The following ADAMTS12 variants were observed in gnomAD, a reference collection of about 807,000 sequenced individuals.
ADAMTS12 encodes A disintegrin and metalloproteinase with thrombospondin motifs 12.
ADAMTS12 carries 118 observed loss-of-function variants against 167.8 expected under a neutral mutation model. The observed-to-expected ratio is 0.70, with a 90% CI of 0.61 to 0.82. The LOEUF is 0.82. ADAMTS12 is among the 40% of genes least tolerant of loss of function. The probability of loss-of-function intolerance (pLI) is 0.00; values close to 1 mark genes in which losing one functional copy is unlikely to be tolerated. For synonymous variants in ADAMTS12, 704 were observed against 716.9 expected, an observed-to-expected ratio of 0.98 and a Z score of 0.29; for missense variants, 1,916 against 1,998.8, an observed-to-expected ratio of 0.96 and a Z score of 0.79.
At chr5:33,595,317 T>C (rs115218252) in intron 17 of ADAMTS12, among the ~76,000 whole-genome samples, 41 of 152,290 alleles carry the variant, frequency 2.7e-4, no homozygotes, top group African/African-American at 8.2e-4. Context: ...TTTTACCCCG[T>C]AGTGGAAATC....
intron 9 of ADAMTS12, among the ~76,000 whole-genome samples, chr5:33,647,641 G>A (rs1156658118): frequency 6.6e-6 from 1 of 152,196 alleles, no homozygotes; most frequent in African/African-American, 2.4e-5. Flanking sequence ...TGAGGTACGA[G>A]AATTGCTTGA....
chr5:33,758,087 C>T (rs1435295124), intron 2 of ADAMTS12, among the ~76,000 whole-genome samples: 6 of 152,036 alleles, frequency 3.9e-5, no homozygotes, highest in Admixed American at 1.3e-4. Context: ...GTGTATTAAA[C>T]GAGTCAGTGT....
At chr5:33,618,989 G>A (rs918018830) in intron 14 of ADAMTS12, among the ~76,000 whole-genome samples, 6 of 152,150 alleles carry the variant, frequency 3.9e-5, no homozygotes, top group African/African-American at 1.4e-4. Context: ...GAGCATAAAA[G>A]ATCCTTATGA....
At chr5:33,864,651 T>C (rs1208133530) in intron 2 of ADAMTS12, among the ~76,000 whole-genome samples, 2 of 152,070 alleles carry the variant, frequency 1.3e-5, no homozygotes, top group African/African-American at 2.4e-5. Context: ...TGGAATACAA[T>C]GCAGCCATAA....
chr5:33,777,032 A>T (rs1745938283), intron 2 of ADAMTS12, among the ~76,000 whole-genome samples: 1 of 152,146 alleles, frequency 6.6e-6, no homozygotes, highest in Non-Finnish European at 1.5e-5. Context: ...ATCAGAAATC[A>T]AAAACCTCCC....
intron 23 of ADAMTS12, among the ~76,000 whole-genome samples, chr5:33,532,913 G>C (rs1311442786): frequency 1.3e-5 from 2 of 152,144 alleles, no homozygotes; most frequent in Admixed American, 1.3e-4. Context: ...TAGTGGTCAG[G>C]GTGGGTGGCT....
At chr5:33,614,584 C>T (rs914975065) in intron 15 of ADAMTS12, among the ~76,000 whole-genome samples, 3 of 152,136 alleles carry the variant, frequency 2.0e-5, no homozygotes, top group African/African-American at 7.2e-5. Flanking sequence ...TCTACATCTA[C>T]CTCTATAGCT....
intron 17 of ADAMTS12, among the ~76,000 whole-genome samples, chr5:33,591,663 T>C (rs1747642878): frequency 6.6e-6 from 1 of 152,166 alleles, no homozygotes; most frequent in Non-Finnish European, 1.5e-5. Flanking sequence ...CCATGCTCAG[T>C]CCTTTTCCCT....
intron 2 of ADAMTS12, among the ~76,000 whole-genome samples, chr5:33,808,488 A>C (rs921507755): frequency 1.3e-5 from 2 of 152,248 alleles, no homozygotes; most frequent in African/African-American, 4.8e-5. Context: ...TATAGGAATG[A>C]ATTGCATACG....
intron 5 of ADAMTS12, among the ~76,000 whole-genome samples, chr5:33,672,151 C>A (rs1286867526): frequency 6.8e-6 from 1 of 147,606 alleles, no homozygotes; most frequent in Non-Finnish European, 1.5e-5. Context: ...ACACACACAT[C>A]CACATACTCA....
intron 2 of ADAMTS12, among the ~76,000 whole-genome samples, chr5:33,822,330 C>T (rs1747896853): frequency 6.6e-6 from 1 of 152,172 alleles, no homozygotes; most frequent in Non-Finnish European, 1.5e-5. Flanking sequence ...CGTATAATTG[C>T]CCACTTGGAC....
Position 33,730,899 on chromosome 5 carries a change from T to C in ADAMTS12, c.634+20505A>G, listed in dbSNP as rs560609765. On this transcript the variant is annotated intron_variant, in intron 3 of 23. Transcript: ENST00000504830. ...GAAGAAATCTGTACCTTGGCAGAGATAGCAGAAGGGTTGAGAATAACGGGT... is the reference window on the plus strand; with the variant it reads ...GAAGAAATCTGTACCTTGGCAGAGACAGCAGAAGGGTTGAGAATAACGGGT... 9.2e-5 allele frequency among the ~76,000 whole-genome samples: 14 copies of C among 152,338 alleles called. No individual in the cohort carries two copies. In the South Asian group the frequency reaches 2.5e-3, roughly 27 times the overall value.
intron 3 of ADAMTS12, among the ~76,000 whole-genome samples, chr5:33,719,507 AC>A (rs1270811808): frequency 6.6e-6 from 1 of 152,228 alleles, no homozygotes; most frequent in Non-Finnish European, 1.5e-5. Context: ...AATGAATTGT[AC>A]ACATGATTAA....
chr5:33,613,180 T>G (rs966668172), intron 16 of ADAMTS12, among the ~76,000 whole-genome samples: 1 of 152,204 alleles, frequency 6.6e-6, no homozygotes, highest in Non-Finnish European at 1.5e-5. Flanking sequence ...GTCCTAGTTT[T>G]GCAGGTTGCA....
Position 33,628,068 on chromosome 5 carries a change from G to A in ADAMTS12, c.2022+2712C>T, listed in dbSNP as rs113413099. Among the ~76,000 whole-genome samples the A allele has an allele frequency of 9.0e-3, 1,375 of 152,266 alleles. 13 individuals carry two copies. Among genetic ancestry groups the A allele is most frequent in the African/African-American group, 0.031 (1,306 of 41,548 alleles). Reference sequence around the variant, plus strand: ...TTATCCAGAACTGGTGTAACAGATTGGGGGAAGGCTAAGAGAAAGTTAGGG... The same window carrying A: ...TTATCCAGAACTGGTGTAACAGATTAGGGGAAGGCTAAGAGAAAGTTAGGG... On this transcript the variant is annotated intron_variant, in intron 13 of 23. Coordinates refer to ENST00000504830, the MANE Select transcript of ADAMTS12 (RefSeq NM_030955.4).
At position 33,546,057 on chromosome 5, in the gene ADAMTS12, A is replaced by C; in HGVS notation, c.4446+2T>G. ...AAAAAAGTATGTATAACCAAGTCTTACCAGGTCCCAGTTCCCAGTGGCCCA... is the reference window on the plus strand; with the variant it reads ...AAAAAAGTATGTATAACCAAGTCTTCCCAGGTCCCAGTTCCCAGTGGCCCA... On this transcript the variant is annotated splice_donor_variant, in intron 22 of 23. Transcript: ENST00000504830. LOFTEE classifies it high-confidence loss of function. 6.2e-7 allele frequency: 1 copy of C among 1,607,760 alleles called. No homozygotes were observed. Among genetic ancestry groups the C allele is most frequent in the Non-Finnish European group, 8.5e-7 (1 of 1,178,306 alleles).
intron 2 of ADAMTS12, among the ~76,000 whole-genome samples, chr5:33,837,165 G>C (rs925784032): frequency 3.3e-5 from 5 of 152,210 alleles, no homozygotes; most frequent in Non-Finnish European, 7.3e-5. Context: ...AACTCTTAGG[G>C]AGGAATGAGA....
Position 33,814,604 on chromosome 5 carries a change from G to T in ADAMTS12, c.490-63056C>A, listed in dbSNP as rs558383354. Among the ~76,000 whole-genome samples, 4 of 152,272 alleles carry T rather than the reference G, an allele frequency of 2.6e-5. No homozygotes were observed. In the South Asian group the frequency reaches 8.3e-4, roughly 32 times the overall value. ...AAAGCCAATCTCAATGGAACTGGAT[G>T]AAATCACCCAGGGAATATAAGTGTA... On this transcript the variant is annotated intron_variant, in intron 2 of 23. Coordinates refer to ENST00000504830, the MANE Select transcript of ADAMTS12 (RefSeq NM_030955.4).
intron 12 of ADAMTS12, among the ~76,000 whole-genome samples, chr5:33,632,946 C>T (rs1740017865): frequency 6.6e-6 from 1 of 151,988 alleles, no homozygotes; most frequent in Non-Finnish European, 1.5e-5. Flanking sequence ...TTCACTAAGT[C>T]GCATTTACAT....
Sources: allele counts gnomAD v4.1 joint callset (sites outside exome capture counted in the v4.1 genomes callset), GRCh38; gene constraint gnomAD v4.1.1; transcripts MANE v1.5; gene names NCBI Gene and HGNC (gene_info 2026-07-23, HGNC 2026-07-21).